ATP10B: variants seen among roughly 807,000 people sequenced by gnomAD.
ATP10B encodes ATPase phospholipid transporting 10B (putative).
A neutral mutation model predicts 141.2 loss-of-function variants in ATP10B; 122 were observed. That is an observed-to-expected ratio of 0.86 (90% CI 0.75 to 1.00). The LOEUF (loss-of-function observed/expected upper bound fraction) is 1.00. ATP10B is among the 50% of genes least tolerant of loss of function. ATP10B has a pLI of 0.00. For missense variants in ATP10B, 1,876 were observed against 1,825.3 expected, an observed-to-expected ratio of 1.03 and a Z score of -0.51; for synonymous variants, 685 against 692.0, an observed-to-expected ratio of 0.99 and a Z score of 0.16.
chr5:160,873,203 A>T, the ATP10B span, among the ~76,000 whole-genome samples: 1 of 150,136 alleles, frequency 6.7e-6, no homozygotes, highest in African/African-American at 2.5e-5. Context: ...GTTTCATATG[A>T]ATTTTAGAAT....
chr5:160,788,114 T>G lies in ATP10B; in HGVS notation c.-575-2311A>C, dbSNP rs1382670154. Among the ~76,000 whole-genome samples, 5 of 152,172 alleles carry G rather than the reference T, an allele frequency of 3.3e-5. No individual in the cohort carries two copies. In the South Asian group the frequency reaches 1.0e-3, roughly 32 times the overall value. ...TTATAGGCATTTGCTTTTCCTACTC[T>G]CCAGTGAGATGACCTCTAGAAACCC... On this transcript the variant is annotated intron_variant, in intron 1 of 25. Transcript: ENST00000327245.
intron 1 of ATP10B, among the ~76,000 whole-genome samples, chr5:160,801,613 G>A (rs921273057): frequency 6.6e-6 from 1 of 152,118 alleles, no homozygotes; most frequent in African/African-American, 2.4e-5. Context: ...TGTATTAAAT[G>A]CATGACTACT....
At chr5:160,589,717 G>A (rs955773720) in intron 23 of ATP10B, 21 bp from the exon 24 acceptor site, 28 of 1,559,068 alleles carry the variant, frequency 1.8e-5, no homozygotes, top group East Asian at 6.7e-5. Flanking sequence ...GGAACAGACA[G>A]GCATTGTCAG....
the ATP10B span, among the ~76,000 whole-genome samples, chr5:160,858,254 T>C: frequency 9.2e-5 from 14 of 152,098 alleles, no homozygotes; most frequent in South Asian, 2.5e-3. Context: ...TGTTCTGAAG[T>C]TTACTTTGTC....
intron 1 of ATP10B, among the ~76,000 whole-genome samples, chr5:160,843,783 T>C (rs1477857143): frequency 2.0e-5 from 3 of 152,120 alleles, no homozygotes; most frequent in African/African-American, 7.2e-5. Context: ...CAAAAGGACA[T>C]AGGAACAAAA....
intron 13 of ATP10B, among the ~76,000 whole-genome samples, chr5:160,624,897 A>C (rs1758533927): frequency 6.6e-6 from 1 of 152,154 alleles, no homozygotes; most frequent in African/African-American, 2.4e-5. Context: ...TTTCTCTGCA[A>C]ACTTCTAAAA....
intron 7 of ATP10B, among the ~76,000 whole-genome samples, chr5:160,661,153 T>C (rs1761883671): frequency 6.6e-6 from 1 of 151,614 alleles, no homozygotes; most frequent in South Asian, 2.1e-4. Context: ...GCCATTGCAC[T>C]CCAGCCTGGG....
chr5:160,613,165 T>A (rs76156836), intron 17 of ATP10B, among the ~76,000 whole-genome samples: 1 of 152,292 alleles, frequency 6.6e-6, no homozygotes, highest in East Asian at 1.9e-4. Flanking sequence ...CATGCGAATA[T>A]ACACCAGGAG....
chr5:160,817,847 T>C (rs529339840), intron 1 of ATP10B, among the ~76,000 whole-genome samples: 2 of 152,274 alleles, frequency 1.3e-5, no homozygotes, highest in South Asian at 2.1e-4. Flanking sequence ...TAATGCCGCA[T>C]ATCTACAGCC....
chr5:160,890,790 C>T, the ATP10B span, among the ~76,000 whole-genome samples: 1 of 152,132 alleles, frequency 6.6e-6, no homozygotes, highest in South Asian at 2.1e-4. Context: ...TCACAGCTCA[C>T]CGCAGCCTCT....
At chr5:160,861,346 TAAAAATCTCTCCAA>T in the ATP10B span, among the ~76,000 whole-genome samples, 1 of 151,900 alleles carries the variant, frequency 6.6e-6, no homozygotes, top group African/African-American at 2.4e-5. Context: ...AAAACATGAA[TAAAAATCTCTCCAA>T]AATAAATATT....
At chr5:160,772,631 A>G (rs1470115063) in intron 2 of ATP10B, among the ~76,000 whole-genome samples, 3 of 152,314 alleles carry the variant, frequency 2.0e-5, no homozygotes, top group Middle Eastern at 6.8e-3. Context: ...CACAGTTCAC[A>G]ATAGGGTTTG....
chr5:160,629,377 T>G (rs1045807432), intron 13 of ATP10B, among the ~76,000 whole-genome samples: 1 of 152,138 alleles, frequency 6.6e-6, no homozygotes, highest in Non-Finnish European at 1.5e-5. Flanking sequence ...CCTCCCAAGC[T>G]GTAGAAAGTG....
intron 8 of ATP10B, among the ~76,000 whole-genome samples, chr5:160,647,326 AG>A (rs1760363526): frequency 6.6e-6 from 1 of 152,156 alleles, no homozygotes; most frequent in African/African-American, 2.4e-5. Flanking sequence ...GTTCTTGCTG[AG>A]TACAGCAAGG....
chr5:160,786,852 T>C (rs1050629936), intron 1 of ATP10B, among the ~76,000 whole-genome samples: 1 of 151,982 alleles, frequency 6.6e-6, no homozygotes, highest in South Asian at 2.1e-4. Context: ...AGCCTGGTTC[T>C]TGTTGAAGCC....
chr5:160,652,988 A>T (rs1196594462), intron 7 of ATP10B, among the ~76,000 whole-genome samples: 1 of 60,764 alleles, frequency 1.6e-5, no homozygotes, highest in Non-Finnish European at 3.3e-5. Flanking sequence ...ATACATACAT[A>T]TTTATATTTA....
chr5:160,631,028 C>T (rs1429054995), intron 13 of ATP10B, among the ~76,000 whole-genome samples: 7 of 151,962 alleles, frequency 4.6e-5, no homozygotes, highest in Non-Finnish European at 7.4e-5. Context: ...ACCATGATTA[C>T]AAAAAATGTT....
At chr5:160,858,471 T>TAA in the ATP10B span, among the ~76,000 whole-genome samples, 6 of 151,980 alleles carry the variant, frequency 3.9e-5, no homozygotes, top group Non-Finnish European at 8.8e-5. Flanking sequence ...CACTGGTATG[T>TAA]AAACTGTGTT....
chr5:160,580,345 C>T (rs1755463191), intron 24 of ATP10B, among the ~76,000 whole-genome samples: 1 of 152,152 alleles, frequency 6.6e-6, no homozygotes, highest in African/African-American at 2.4e-5. Flanking sequence ...TCCATCAATA[C>T]CTAATTTATT....
Sources: gnomAD v4.1 joint callset for allele counts (sites outside exome capture counted in the v4.1 genomes callset) on GRCh38, gnomAD v4.1.1 for gene constraint, MANE v1.5 for transcripts, NCBI Gene and HGNC (gene_info 2026-07-23, HGNC 2026-07-21) for gene names.